The following TRHDE variants were observed in gnomAD, a reference collection of about 807,000 sequenced individuals.
The protein encoded by TRHDE is thyrotropin releasing hormone degrading enzyme, also known as thyrotropin-releasing hormone-degrading ectoenzyme.
TRHDE carries 72 observed loss-of-function variants against 125.7 expected under a neutral mutation model. That is an observed-to-expected ratio of 0.57 (90% CI 0.47 to 0.70). TRHDE has a LOEUF of 0.70. Ranked by LOEUF, TRHDE falls within the 30% of genes least tolerant of loss-of-function variation. The pLI, the probability that TRHDE is intolerant of heterozygous loss-of-function variation, is 0.00. For synonymous variants in TRHDE, 509 were observed against 509.1 expected (o/e 1.00, Z 0.00); for missense variants, 1,110 against 1,327.1 (o/e 0.84, Z 2.54).
At chr12:72,119,659 G>T (rs1365114695) in intron 2 of TRHDE, among the ~76,000 whole-genome samples, 1 of 152,060 alleles carries the variant, frequency 6.6e-6, no homozygotes, top group Non-Finnish European at 1.5e-5. Context: ...TATTGTATTG[G>T]GGTCTATCTC....
chr12:72,279,276 C>G (rs1019533917), intron 1 of TRHDE, among the ~76,000 whole-genome samples: 1 of 152,150 alleles, frequency 6.6e-6, no homozygotes, highest in Non-Finnish European at 1.5e-5. Flanking sequence ...GATACAAAAA[C>G]AGTGAGGAAG....
chr12:72,512,215 T>C (rs1338014771), intron 6 of TRHDE, among the ~76,000 whole-genome samples: 1 of 151,828 alleles, frequency 6.6e-6, no homozygotes, highest in East Asian at 1.9e-4. Flanking sequence ...GAGATTCTGC[T>C]TTCACGGCTT....
chr12:72,605,534 A>G (rs1167115008), intron 12 of TRHDE, among the ~76,000 whole-genome samples: 1 of 152,154 alleles, frequency 6.6e-6, no homozygotes. Context: ...TTTCTATACA[A>G]AGAATTGTGT....
rs116790159 is a variant in TRHDE, at chr12:72,225,413, A to G, written n.279+119661A>G. On this transcript the variant is annotated intron_variant and non_coding_transcript_variant, in intron 2 of 4. Coordinates refer to the TRHDE transcript ENST00000548156. Reference sequence around the variant, plus strand: ...CTAGTGCATCTGCTTCTCACACAGCATTAATTCATCTCCAGCTATCCAGAA... The same window carrying G: ...CTAGTGCATCTGCTTCTCACACAGCGTTAATTCATCTCCAGCTATCCAGAA... 3.9e-3 allele frequency among the ~76,000 whole-genome samples: 599 copies of G among 152,300 alleles called. 6 individuals are homozygous for G. The highest frequency in any genetic ancestry group is 0.013 in the African/African-American group (545 of 41,574).
intron 2 of TRHDE, among the ~76,000 whole-genome samples, chr12:72,324,091 C>T (rs1462089397): frequency 1.3e-5 from 2 of 152,072 alleles, no homozygotes; most frequent in African/African-American, 4.8e-5. Context: ...TTTGCATCAG[C>T]CCGTTGATTC....
At chr12:72,550,627 A>G (rs1372597982) in intron 7 of TRHDE, among the ~76,000 whole-genome samples, 1 of 151,884 alleles carries the variant, frequency 6.6e-6, no homozygotes, top group Non-Finnish European at 1.5e-5. Context: ...GTACCATAAT[A>G]TATTTCGCTT....
At chr12:72,551,786 GA>G (rs1414655500) in intron 7 of TRHDE, among the ~76,000 whole-genome samples, 5 of 151,956 alleles carry the variant, frequency 3.3e-5, no homozygotes, top group African/African-American at 9.7e-5. Flanking sequence ...TGCTCAATGT[GA>G]AAAAAATGCT....
chr12:72,139,002 G>C (rs780645973), intron 2 of TRHDE, among the ~76,000 whole-genome samples: 1 of 152,210 alleles, frequency 6.6e-6, no homozygotes, highest in East Asian at 1.9e-4. Flanking sequence ...ACCAAATGAT[G>C]AGCAGTAGAT....
chr12:72,304,408 T>A (rs1868308438), intron 2 of TRHDE, among the ~76,000 whole-genome samples: 3 of 152,156 alleles, frequency 2.0e-5, no homozygotes, highest in Non-Finnish European at 4.4e-5. Context: ...CATTTTGAGC[T>A]TATAGTTCCC....
At chr12:72,229,202 GA>G (rs1423608803) in intron 2 of TRHDE, among the ~76,000 whole-genome samples, 1 of 152,178 alleles carries the variant, frequency 6.6e-6, no homozygotes, top group East Asian at 1.9e-4. Flanking sequence ...ATTTAAAAAG[GA>G]AAGAAGTTTA....
intron 2 of TRHDE, among the ~76,000 whole-genome samples, chr12:72,152,909 A>C (rs1876404685): frequency 6.6e-6 from 1 of 152,246 alleles, no homozygotes; most frequent in African/African-American, 2.4e-5. Flanking sequence ...TGCTGGCCTC[A>C]TAAAATGAGT....
intron 6 of TRHDE, among the ~76,000 whole-genome samples, chr12:72,529,901 G>A (rs977771698): frequency 3.3e-5 from 5 of 151,782 alleles, no homozygotes; most frequent in Admixed American, 6.6e-5. Context: ...ATGTTCTTAC[G>A]CCTCCAACCC....
At chr12:72,502,168 T>C (rs10879435) in intron 6 of TRHDE, among the ~76,000 whole-genome samples, 12,545 of 152,110 alleles carry the variant, frequency 0.082, 626 homozygotes, top group African/African-American at 0.13. Context: ...AGATATGCTC[T>C]CTAATCAATA....
chr12:72,236,903 C>T (rs2139377383), intron 2 of TRHDE, among the ~76,000 whole-genome samples: 1 of 151,980 alleles, frequency 6.6e-6, no homozygotes, highest in East Asian at 1.9e-4. Context: ...TATCTTGTAC[C>T]CTAACAAAAG....
intron 5 of TRHDE, among the ~76,000 whole-genome samples, chr12:72,476,064 G>A (rs2135906235): frequency 6.6e-6 from 1 of 152,090 alleles, no homozygotes; most frequent in South Asian, 2.1e-4. Context: ...TTACAGGTGT[G>A]AGCCACCACG....
chr12:72,563,744 T>G (rs17111389), intron 9 of TRHDE, among the ~76,000 whole-genome samples: 39,747 of 150,550 alleles, frequency 0.26, 7,930 homozygotes, highest in African/African-American at 0.54. Flanking sequence ...ACTTAAATCA[T>G]TCCATTTCAT....
intron 2 of TRHDE, among the ~76,000 whole-genome samples, chr12:72,302,072 A>G (rs567963555): frequency 6.6e-6 from 1 of 152,138 alleles, no homozygotes; most frequent in East Asian, 1.9e-4. Context: ...AGGAAGTGAG[A>G]TGTTCGTGAA....
chr12:72,141,603 G>A (rs534370520), intron 2 of TRHDE, among the ~76,000 whole-genome samples: 28 of 152,256 alleles, frequency 1.8e-4, no homozygotes, highest in Non-Finnish European at 2.9e-4. Flanking sequence ...TCATTCACTC[G>A]TATCTGTTGA....
At chr12:72,319,058 T>A (rs1265320507) in intron 2 of TRHDE, among the ~76,000 whole-genome samples, 1 of 151,962 alleles carries the variant, frequency 6.6e-6, no homozygotes, top group Non-Finnish European at 1.5e-5. Context: ...TGGCTTGGGA[T>A]TGAATGAATG....
Sources: allele counts gnomAD v4.1 joint callset (sites outside exome capture counted in the v4.1 genomes callset), GRCh38; gene constraint gnomAD v4.1.1; transcripts MANE v1.5; gene names NCBI Gene and HGNC (gene_info 2026-07-23, HGNC 2026-07-21).